The following SEC13 variants were observed in gnomAD, a reference collection of about 807,000 sequenced individuals.
SEC13 encodes protein SEC13 homolog.
In SEC13, 25 loss-of-function variants were observed where a neutral mutation model predicts 49.2. The observed-to-expected ratio is 0.51, with a 90% CI of 0.37 to 0.71. SEC13 has a LOEUF of 0.71. SEC13 is among the 30% of genes least tolerant of loss of function. SEC13 has a pLI of 0.00. For missense variants in SEC13, 383 were observed against 417.6 expected (o/e 0.92, Z 0.72); for synonymous variants, 148 against 163.9 (o/e 0.90, Z 0.74).
chr3:10,312,600 G>T lies in SEC13; in HGVS notation c.295C>A (p.His99Asn). 6.2e-7 allele frequency: 1 copy of T among 1,614,186 alleles called. No individual in the cohort carries two copies. The highest frequency in any genetic ancestry group is 1.1e-5 in the South Asian group (1 of 91,082). Reference sequence around the variant, plus strand: ...ATACCTGAGGAGTCGTGTCCCGCATGCTCGTGGCTCTTCTCCCAGGTGCCG... The same window carrying T: ...ATACCTGAGGAGTCGTGTCCCGCATTCTCGTGGCTCTTCTCCCAGGTGCCG... ...ENGTWEKSHE[H>N]AGHDSSVNSV... The change falls in exon 4 of 9, where the codon CAT (histidine) becomes AAT (asparagine). Residue 99 changes from histidine to asparagine, a missense_variant. Transcript: ENST00000350697.
chr3:10,305,625 C>T lies in SEC13; in HGVS notation c.518G>A (p.Gly173Glu), dbSNP rs1700824319. ...CCTCTTGATGTAATTGGGTTTCTGCCCCGATGGGTGGTCTATGAGGCTTCC... is the reference window on the plus strand; with the variant it reads ...CCTCTTGATGTAATTGGGTTTCTGCTCCGATGGGTGGTCTATGAGGCTTCC... ...VPGSLIDHPS[G>E]QKPNYIKRFA... The change falls in exon 6 of 9, where the codon GGG (glycine) becomes GAG (glutamate). Residue 173 changes from glycine to glutamate, a missense_variant. Coordinates refer to ENST00000350697, the MANE Select transcript of SEC13 (RefSeq NM_183352.3). 1 of 1,614,152 alleles carries T rather than the reference C, an allele frequency of 6.2e-7. No homozygotes were observed. The highest frequency in any genetic ancestry group is 8.5e-7 in the Non-Finnish European group (1 of 1,180,028).
At chr3:10,320,006 G>GGAGGGAGA (rs1553639103) in intron 1 of SEC13, among the ~76,000 whole-genome samples, 6 of 103,204 alleles carry the variant, frequency 5.8e-5, no homozygotes, top group African/African-American at 2.3e-4. Flanking sequence ...GGGAGGGTGG[G>GGAGGGAGA]GAGAGAGAGA....
Position 10,304,185 on chromosome 3 carries a change from A to G in SEC13, c.709-13T>C, listed in dbSNP as rs779449003. On this transcript the variant is annotated splice_polypyrimidine_tract_variant and intron_variant, in intron 7 of 8. Coordinates refer to ENST00000350697, the MANE Select transcript of SEC13 (RefSeq NM_183352.3). ...ACACACGACCATCCTAGGAAGAAAC[A>G]GGATAGAGTCAGGAGGTGGAGTCAA... The G allele has an allele frequency of 1.2e-6, 2 of 1,613,566 alleles. No individual in the cohort carries two copies. The highest frequency in any genetic ancestry group is 8.5e-7 in the Non-Finnish European group (1 of 1,179,730).
intron 2 of SEC13, among the ~76,000 whole-genome samples, chr3:10,315,919 C>T (rs1410448909): frequency 2.0e-5 from 3 of 152,228 alleles, no homozygotes; most frequent in East Asian, 3.9e-4. Context: ...TTCTGTGATG[C>T]AGCTCTGGCC....
Position 10,320,006 on chromosome 3 carries a change from GGAGA to G in SEC13, c.3+1040_3+1043del, listed in dbSNP as rs59019332. Among the ~76,000 whole-genome samples the G allele has an allele frequency of 2.5e-3, 262 of 103,188 alleles. 1 individual carries two copies. Among genetic ancestry groups the G allele is most frequent in the Non-Finnish European group, 4.3e-3 (220 of 51,416 alleles). The allele number at this position is 103,188 out of a possible 152,430, so 67.7% of individuals were successfully genotyped here. Reference sequence around the variant, plus strand: ...GGGAGTGGGGAGAGAGGGAGGGTGGGGAGAGAGAGAGAGAGAGAGAGAACTTCTT... The same window carrying G: ...GGGAGTGGGGAGAGAGGGAGGGTGGGGAGAGAGAGAGAGAGAGAACTTCTT... On this transcript the variant is annotated intron_variant, in intron 1 of 8. Coordinates refer to ENST00000350697, the MANE Select transcript of SEC13 (RefSeq NM_183352.3).
At position 10,305,052 on chromosome 3, in the gene SEC13, G is replaced by C. The variant is rs1310549235; in HGVS notation, c.689C>G (p.Thr230Ser). Residue 230 changes from threonine (T) to serine (S), a missense_variant, in exon 7 of 9, where the codon ACC becomes AGC. Thr to Ser is a moderately conservative substitution (Grantham distance 58). Transcript: ENST00000350697. ...GCTGACCTGGGAGCAGCTGGCGATG[G>C]TGCTGGTGGGCAGGCCGATGGAGGG... ...WAPSIGLPTS[T>S]IASCSQDGRV... is the part of the protein sequence containing the mutation. The C allele has an allele frequency of 6.2e-7, 1 of 1,614,148 alleles. No homozygotes were observed. The highest frequency in any genetic ancestry group is 1.7e-5 in the Admixed American group (1 of 60,024).
chr3:10,308,827 T>G (rs1701058916), intron 5 of SEC13, among the ~76,000 whole-genome samples: 2 of 143,396 alleles, frequency 1.4e-5, no homozygotes, highest in Non-Finnish European at 3.0e-5. Context: ...AGACGGGGTC[T>G]CACTATGTTG....
chr3:10,314,076 A>C (rs1701454005), intron 3 of SEC13: 1 of 152,232 alleles, frequency 6.6e-6, no homozygotes, highest in Non-Finnish European at 1.5e-5. Flanking sequence ...AACACACAGA[A>C]CTAGGCTTAT....
At chr3:10,312,865 G>T in intron 3 of SEC13, 135 bp from the exon 4 acceptor site, 1 of 850,250 alleles carries the variant, frequency 1.2e-6, no homozygotes, top group Non-Finnish European at 1.8e-6. Context: ...ACTATACAAT[G>T]CCATTGCAAA....
intron 4 of SEC13, among the ~76,000 whole-genome samples, 178 bp from the exon 5 acceptor site, chr3:10,312,276 C>T (rs555714286): frequency 5.9e-5 from 9 of 152,306 alleles, no homozygotes; most frequent in Middle Eastern, 3.4e-3. Flanking sequence ...ACTAATACCA[C>T]GATTTCATAA....
rs776264563 is a variant in SEC13 at position 10,312,102 on chromosome 3, C to T, written c.317-4G>A. On this transcript the variant is annotated splice_polypyrimidine_tract_variant and splice_region_variant and intron_variant, in intron 4 of 8. Transcript: ENST00000350697. ...GGGGCCCAGCACACCGAGTTCACTG[C>T]GGGAAGAGGGAGAGTGCAGTGAGCA... is the stretch of plus-strand genomic sequence containing the variant. 1.3e-5 allele frequency: 20 copies of T among 1,591,662 alleles called. No individual in the cohort carries two copies. Among genetic ancestry groups the T allele is most frequent in the Non-Finnish European group, 1.5e-5 (17 of 1,168,564 alleles).
At chr3:10,304,908 T>G (rs928647833) in intron 7 of SEC13, 125 bp downstream of exon 7, 1 of 1,434,012 alleles carries the variant, frequency 7.0e-7, no homozygotes, top group African/African-American at 1.4e-5. Context: ...CTCCCTGTGC[T>G]CTGGGCCAAA....
chr3:10,310,214 G>A (rs1294767430), intron 5 of SEC13, among the ~76,000 whole-genome samples: 2 of 152,204 alleles, frequency 1.3e-5, no homozygotes, highest in Admixed American at 6.5e-5. Context: ...ATAAGGGCCG[G>A]GTGTGGTGGC....
intron 1 of SEC13, chr3:10,320,665 C>A: frequency 9.5e-7 from 1 of 1,055,906 alleles, no homozygotes; most frequent in Non-Finnish European, 1.1e-6. Flanking sequence ...GTGTCCTCAT[C>A]TGTAAAGTGT....
chr3:10,319,798 GC>G (rs375325501), intron 1 of SEC13, among the ~76,000 whole-genome samples: 2 of 8,804 alleles, frequency 2.3e-4, no homozygotes, highest in East Asian at 2.2e-3. Flanking sequence ...GAGAGAGAAG[GC>G]GGGGGGGGGG....
chr3:10,319,260 G>C lies in SEC13; in HGVS notation c.4-1166C>G, dbSNP rs764945570. On this transcript the variant is annotated intron_variant, in intron 1 of 8. Coordinates refer to ENST00000350697, the MANE Select transcript of SEC13 (RefSeq NM_183352.3). ...AAGCAGTTCAAGAGGTACACACCAA[G>C]TAAGCACAGGTTCTCTCATCAGATT... 1.9e-6 allele frequency: 3 copies of C among 1,610,226 alleles called. No individual in the cohort carries two copies. In the African/African-American group the frequency reaches 4.0e-5, roughly 22 times the overall value.
intron 5 of SEC13, among the ~76,000 whole-genome samples, chr3:10,308,933 A>ATTTTTT (rs56801249): frequency 9.8e-6 from 1 of 102,342 alleles, no homozygotes; most frequent in Non-Finnish European, 1.9e-5. Flanking sequence ...CCTGGCCTTG[A>ATTTTTT]TTTTTTTTTT....
At chr3:10,302,740 C>G (rs1010411453) in intron 8 of SEC13, among the ~76,000 whole-genome samples, 9 of 152,230 alleles carry the variant, frequency 5.9e-5, no homozygotes, top group African/African-American at 1.7e-4. Context: ...CACCCATGTT[C>G]ACAGCCACAC....
chr3:10,313,423 T>G (rs778405210), intron 3 of SEC13: 1 of 531,226 alleles, frequency 1.9e-6, no homozygotes, highest in South Asian at 1.4e-5. Flanking sequence ...GGCAAGGATA[T>G]CTTTGTCTCT....
Sources: gnomAD v4.1 joint callset for allele counts (sites outside exome capture counted in the v4.1 genomes callset) on GRCh38, gnomAD v4.1.1 for gene constraint, MANE v1.5 for transcripts, NCBI Gene and HGNC (gene_info 2026-07-23, HGNC 2026-07-21) for gene names.